Variants in COL6A5 observed in about 807,000 individuals in gnomAD.
The protein encoded by COL6A5 is collagen type VI alpha 5 chain, also known as collagen alpha-5(VI) chain.
Under a neutral mutation model 65.6 loss-of-function variants are expected in COL6A5, and 48 were observed. The observed-to-expected ratio is 0.73, with a 90% CI of 0.58 to 0.93. COL6A5 has a LOEUF of 0.93. COL6A5 is among the 40% of genes least tolerant of loss of function. The pLI is 0.00. For synonymous variants in COL6A5, 291 were observed against 322.8 expected, an observed-to-expected ratio of 0.90 and a Z score of 1.05; for missense variants, 914 against 928.3, an observed-to-expected ratio of 0.98 and a Z score of 0.20.
At chr3:130,347,415 T>C (rs1934527120) in intron 1 of COL6A5, among the ~76,000 whole-genome samples, 2 of 152,008 alleles carry the variant, frequency 1.3e-5, no homozygotes, top group African/African-American at 4.8e-5. Flanking sequence ...TTTTCACAGA[T>C]TTCAAAAACT....
intron 5 of COL6A5, among the ~76,000 whole-genome samples, chr3:130,463,245 A>C (rs1056838899): frequency 2.6e-5 from 4 of 152,122 alleles, no homozygotes; most frequent in African/African-American, 9.7e-5. Flanking sequence ...AGAACCTCAC[A>C]CATCAAGTAG....
chr3:130,403,565 TG>T (rs5852595), intron 12 of COL6A5, 43 bp from the exon 13 acceptor site: 1,212,919 of 1,443,196 alleles, frequency 0.84, 509,615 homozygotes, highest in Admixed American at 0.86. Flanking sequence ...TTGACTTTAT[TG>T]GGGGGGGGTG....
intron 12 of COL6A5, among the ~76,000 whole-genome samples, chr3:130,402,874 TA>T (rs1290014721): frequency 2.0e-5 from 3 of 152,026 alleles, no homozygotes; most frequent in Admixed American, 6.6e-5. Context: ...AGTTTTTCTT[TA>T]AAAAAAAGAG....
intron 24 of COL6A5, among the ~76,000 whole-genome samples, chr3:130,417,709 C>T (rs1408270344): frequency 1.3e-5 from 2 of 152,152 alleles, no homozygotes; most frequent in African/African-American, 4.8e-5. Flanking sequence ...CTGTTTAAAA[C>T]CTTTCAATGG....
At chr3:130,475,187 C>A in intron 7 of COL6A5, among the ~76,000 whole-genome samples, 1 of 151,294 alleles carries the variant, frequency 6.6e-6, no homozygotes, top group African/African-American at 2.4e-5. Context: ...ACTAGAATTC[C>A]ATAAGGGAAG....
At chr3:130,394,358 T>A (rs1936512745) in intron 7 of COL6A5, among the ~76,000 whole-genome samples, 1 of 152,248 alleles carries the variant, frequency 6.6e-6, no homozygotes, top group African/African-American at 2.4e-5. Flanking sequence ...CTCTGAATTC[T>A]ATTTCTATAT....
At chr3:130,423,734 C>CT (rs1416581999) in intron 28 of COL6A5, 104 bp from the exon 29 acceptor site, 23 of 751,482 alleles carry the variant, frequency 3.1e-5, no homozygotes, top group Non-Finnish European at 3.8e-5. Flanking sequence ...TAGCTGCTAT[C>CT]TTTTTAAAAT....
At chr3:130,385,116 A>G (rs1936137607) in exon 5 of COL6A5, 1 of 1,551,098 alleles carries the variant, frequency 6.4e-7, no homozygotes, top group East Asian at 2.4e-5. Context: ...GGAATGAAGG[A>G]TAGAATGAGC....
chr3:130,376,715 A>T, exon 3 of COL6A5: 1 of 1,613,756 alleles, frequency 6.2e-7, no homozygotes, highest in Non-Finnish European at 8.5e-7. Flanking sequence ...CCATGGCCAC[A>T]TCCCATTTCC....
At chr3:130,382,820 A>G (rs1936053549) in intron 4 of COL6A5, among the ~76,000 whole-genome samples, 1 of 152,134 alleles carries the variant, frequency 6.6e-6, no homozygotes, top group Non-Finnish European at 1.5e-5. Context: ...AACCAAACTC[A>G]AGCGACTGAT....
At chr3:130,414,011 AAATC>A in intron 21 of COL6A5, 54 bp from the exon 22 acceptor site, 1 of 1,318,136 alleles carries the variant, frequency 7.6e-7, no homozygotes, top group Non-Finnish European at 1.1e-6. Flanking sequence ...TATGAAAAGA[AAATC>A]TATATGGAAA....
At chr3:130,362,318 ATATATATATTTTTTTTTTTT>A (rs1319135254) in intron 1 of COL6A5, among the ~76,000 whole-genome samples, 3 of 4,380 alleles carry the variant, frequency 6.8e-4, no homozygotes, top group African/African-American at 2.7e-3. Flanking sequence ...ATATATATAT[ATATATATATTTTTTTTTTTT>A]TTTTTTTTTG....
At chr3:130,410,608 G>A in intron 20 of COL6A5, 84 bp downstream of exon 20, 1 of 1,155,732 alleles carries the variant, frequency 8.7e-7, no homozygotes, top group South Asian at 1.4e-5. Context: ...GTGCACAGTT[G>A]GCTGATTCAG....
At chr3:130,457,403 T>C (rs1176298161) in intron 5 of COL6A5, among the ~76,000 whole-genome samples, 1 of 152,098 alleles carries the variant, frequency 6.6e-6, no homozygotes, top group East Asian at 1.9e-4. Context: ...GCATCAGTCA[T>C]TGTTAATGAC....
At chr3:130,441,466 G>T (rs559505361) in intron 3 of COL6A5, among the ~76,000 whole-genome samples, 1 of 152,158 alleles carries the variant, frequency 6.6e-6, no homozygotes, top group African/African-American at 2.4e-5. Context: ...CAAATTGAGA[G>T]TAAACATCTA....
At chr3:130,363,933 A>C (rs1170646798) in intron 1 of COL6A5, among the ~76,000 whole-genome samples, 1 of 152,084 alleles carries the variant, frequency 6.6e-6, no homozygotes, top group Non-Finnish European at 1.5e-5. Context: ...CTGTCTCTTC[A>C]ATTTTGGGGC....
At chr3:130,389,251 GTCT>G (rs1477144804) in intron 6 of COL6A5, 117 bp downstream of exon 6, 2 of 607,882 alleles carry the variant, frequency 3.3e-6, no homozygotes, top group Non-Finnish European at 5.0e-6. Context: ...TTAAGTTTTG[GTCT>G]TCTTTATGTA....
intron 20 of COL6A5, among the ~76,000 whole-genome samples, chr3:130,411,601 A>G (rs182423712): frequency 3.9e-5 from 6 of 152,326 alleles, no homozygotes; most frequent in Admixed American, 2.6e-4. Context: ...CAAGAGAATT[A>G]GAATGTAATA....
At chr3:130,374,822 C>T (rs112528139) in intron 2 of COL6A5, among the ~76,000 whole-genome samples, 11 of 152,118 alleles carry the variant, frequency 7.2e-5, no homozygotes, top group African/African-American at 2.2e-4. Context: ...GTCATTATGT[C>T]GTTGTGAAGC....
Sources: allele counts gnomAD v4.1 joint callset (sites outside exome capture counted in the v4.1 genomes callset), GRCh38; gene constraint gnomAD v4.1.1; transcripts MANE v1.5; gene names NCBI Gene and HGNC (gene_info 2026-07-23, HGNC 2026-07-21).